SOX5: variants seen among roughly 807,000 people sequenced by gnomAD.
SOX5 encodes SRY-box transcription factor 5.
Under a neutral mutation model 92.0 loss-of-function variants are expected in SOX5, and 9 were observed. The observed-to-expected ratio is 0.10, with a 90% CI of 0.06 to 0.17. SOX5 has a LOEUF of 0.17. SOX5 is among the 10% of genes least tolerant of loss of function. The pLI, the probability that SOX5 is intolerant of heterozygous loss-of-function variation, is 1.00. For missense variants in SOX5, 642 were observed against 944.5 expected (o/e 0.68, Z 4.20); for synonymous variants, 344 against 336.3 (o/e 1.02, Z -0.25).
At chr12:23,553,645 C>T (rs1302573511) in intron 11 of SOX5, among the ~76,000 whole-genome samples, 2 of 152,004 alleles carry the variant, frequency 1.3e-5, no homozygotes, top group Non-Finnish European at 2.9e-5. Context: ...CCGTGGCAGA[C>T]AGACATGTTA....
chr12:23,537,831 C>A (rs547562572), intron 13 of SOX5, among the ~76,000 whole-genome samples: 1 of 152,110 alleles, frequency 6.6e-6, no homozygotes, highest in Non-Finnish European at 1.5e-5. Context: ...AATGAAGCTG[C>A]GGACCCTCGC....
At chr12:23,894,206 G>C (rs1389250802) in intron 2 of SOX5, among the ~76,000 whole-genome samples, 4 of 151,938 alleles carry the variant, frequency 2.6e-5, no homozygotes, top group Non-Finnish European at 4.4e-5. Context: ...TCTGACATAT[G>C]AGTTAGCTAA....
At chr12:23,969,427 T>C (rs1591910857) in intron 4 of SOX5, among the ~76,000 whole-genome samples, 2 of 152,168 alleles carry the variant, frequency 1.3e-5, no homozygotes, top group South Asian at 2.1e-4. Context: ...ATTTCTCACA[T>C]AGAATAAAAT....
chr12:24,205,257 T>C (rs1957907827), intron 4 of SOX5, among the ~76,000 whole-genome samples: 2 of 152,178 alleles, frequency 1.3e-5, no homozygotes, highest in South Asian at 4.1e-4. Context: ...TCAATATACT[T>C]ATCCCAACTC....
At chr12:23,853,844 G>A (rs891107424) in intron 2 of SOX5, among the ~76,000 whole-genome samples, 13 of 152,108 alleles carry the variant, frequency 8.5e-5, no homozygotes, top group South Asian at 2.1e-4. Flanking sequence ...ACTTTAAAAC[G>A]TTTGATGATC....
chr12:23,701,253 G>A (rs554753452), intron 6 of SOX5, among the ~76,000 whole-genome samples: 9 of 151,990 alleles, frequency 5.9e-5, no homozygotes, highest in African/African-American at 2.2e-4. Context: ...CAATATCTAT[G>A]GCACAGCAAC....
intron 2 of SOX5, among the ~76,000 whole-genome samples, chr12:24,279,729 C>T (rs961928760): frequency 1.3e-5 from 2 of 152,020 alleles, no homozygotes; most frequent in Non-Finnish European, 2.9e-5. Flanking sequence ...AAAAATAAAA[C>T]GAATTCATCA....
Position 24,259,064 on chromosome 12 carries a change from G to C in SOX5, c.-77+18152C>G, listed in dbSNP as rs1011069890. ...TAGATTTCTGGTGGTGTTTCCTCCAGTGCAAAATAGATTAATTAATGTACT... is the reference window on the plus strand; with the variant it reads ...TAGATTTCTGGTGGTGTTTCCTCCACTGCAAAATAGATTAATTAATGTACT... On this transcript the variant is annotated intron_variant, in intron 3 of 4. Transcript: ENST00000446891. Among the ~76,000 whole-genome samples the C allele has an allele frequency of 2.0e-5, 3 of 152,198 alleles. No homozygotes were observed. The East Asian group carries it at 5.8e-4, about 29-fold the overall frequency.
At chr12:23,724,896 A>G (rs940584751) in intron 6 of SOX5, among the ~76,000 whole-genome samples, 3 of 152,190 alleles carry the variant, frequency 2.0e-5, no homozygotes, top group Non-Finnish European at 4.4e-5. Flanking sequence ...TGAAAAATCT[A>G]CTTGGTGGGG....
chr12:23,638,313 C>G (rs1171316294), intron 8 of SOX5: 1 of 152,036 alleles, frequency 6.6e-6, no homozygotes, highest in South Asian at 2.1e-4. Flanking sequence ...TCTTGACTAA[C>G]GATGGAAGGG....
intron 11 of SOX5, among the ~76,000 whole-genome samples, chr12:23,559,290 C>G (rs1592064030): frequency 6.6e-6 from 1 of 152,132 alleles, no homozygotes; most frequent in East Asian, 1.9e-4. Flanking sequence ...ACCTGAGAAG[C>G]TCACTTTTTC....
chr12:23,584,570 C>T (rs1950461462), intron 9 of SOX5: 1 of 1,611,470 alleles, frequency 6.2e-7, no homozygotes, highest in Non-Finnish European at 8.5e-7. Flanking sequence ...TCCTATGGCA[C>T]AAATCTCCAA....
intron 6 of SOX5, among the ~76,000 whole-genome samples, chr12:23,701,829 A>G (rs1324524941): frequency 3.3e-5 from 5 of 152,022 alleles, no homozygotes; most frequent in African/African-American, 1.2e-4. Flanking sequence ...AAACCAAAAG[A>G]TTTTTACATT....
chr12:24,508,657 G>T (rs191110687), intron 1 of SOX5, among the ~76,000 whole-genome samples: 1 of 152,138 alleles, frequency 6.6e-6, no homozygotes, highest in African/African-American at 2.4e-5. Context: ...AATCATTCAC[G>T]CTGTGGTCCA....
intron 2 of SOX5, 57 bp downstream of exon 2, chr12:23,895,736 A>G (rs1385642989): frequency 5.8e-6 from 7 of 1,199,090 alleles, no homozygotes; most frequent in Admixed American, 5.2e-5. Flanking sequence ...CCAAACTATT[A>G]GAGGAGTAGA....
At chr12:24,392,611 C>T (rs79904089) in intron 1 of SOX5, among the ~76,000 whole-genome samples, 2,192 of 152,080 alleles carry the variant, frequency 0.014, 59 homozygotes, top group African/African-American at 0.05. Flanking sequence ...CTACCCTCAC[C>T]CTGTTTTATT....
At chr12:23,729,722 C>G (rs957322444) in intron 6 of SOX5, among the ~76,000 whole-genome samples, 1 of 152,052 alleles carries the variant, frequency 6.6e-6, no homozygotes, top group Non-Finnish European at 1.5e-5. Flanking sequence ...AACACTGATG[C>G]CCTGGTATGG....
chr12:24,121,611 G>T (rs1440420977), intron 4 of SOX5, among the ~76,000 whole-genome samples: 1 of 146,454 alleles, frequency 6.8e-6, no homozygotes, highest in Non-Finnish European at 1.5e-5. Context: ...GAGATGGGCC[G>T]GGCGCGGTGG....
intron 1 of SOX5, among the ~76,000 whole-genome samples, chr12:24,379,933 A>G (rs1957662367): frequency 6.8e-6 from 1 of 146,908 alleles, no homozygotes; most frequent in African/African-American, 2.5e-5. Context: ...ATACCACCAC[A>G]CTATTTATGG....
Sources: gnomAD v4.1 joint callset for allele counts (sites outside exome capture counted in the v4.1 genomes callset) on GRCh38, gnomAD v4.1.1 for gene constraint, MANE v1.5 for transcripts, NCBI Gene and HGNC (gene_info 2026-07-23, HGNC 2026-07-21) for gene names.